JADE1: variants seen among roughly 807,000 people sequenced by gnomAD.
JADE1 encodes protein Jade-1.
Under a neutral mutation model 81.8 loss-of-function variants are expected in JADE1, and 14 were observed. The ratio of observed to expected loss-of-function variants is 0.17; its 90% CI spans 0.11 to 0.27. The LOEUF (loss-of-function observed/expected upper bound fraction) is 0.27, where lower values mean the gene tolerates loss of function less well. Ranked by LOEUF, JADE1 falls within the 10% of genes least tolerant of loss-of-function variation. The probability of loss-of-function intolerance (pLI) is 1.00; values close to 1 mark genes in which losing one functional copy is unlikely to be tolerated. For synonymous variants in JADE1, 353 were observed against 391.9 expected, an observed-to-expected ratio of 0.90 and a Z score of 1.17; for missense variants, 690 against 1,047.9, an observed-to-expected ratio of 0.66 and a Z score of 4.71.
rs569068801 is a variant in JADE1 at position 128,849,185 on chromosome 4, CTATTATTT to C, written c.484+24_484+31del. On this transcript the variant is annotated intron_variant, in intron 5 of 10. Coordinates refer to ENST00000226319, the MANE Select transcript of JADE1 (RefSeq NM_199320.4). ...GGAGATGGGTGAGAGACCATGTATT[CTATTATTT>C]TATTAACCAATGATGAATAGAGACA... 442 of 1,578,096 alleles carry C rather than the reference CTATTATTT, an allele frequency of 2.8e-4. 3 individuals are homozygous for C. In the African/African-American group the frequency reaches 5.2e-3, roughly 19 times the overall value.
chr4:128,867,375 C>G (rs992903974), intron 9 of JADE1, among the ~76,000 whole-genome samples: 17 of 152,164 alleles, frequency 1.1e-4, no homozygotes, highest in Admixed American at 3.3e-4. Flanking sequence ...ACCCTTGGCC[C>G]CATGTTTACC....
intron 1 of JADE1, among the ~76,000 whole-genome samples, chr4:128,827,468 G>T (rs77184125): frequency 0.022 from 3,336 of 152,242 alleles, 102 homozygotes; most frequent in African/African-American, 0.072. Flanking sequence ...AATGAGAACT[G>T]AAAGTAAGCA....
chr4:128,834,384 T>C (rs1423301436), intron 2 of JADE1, among the ~76,000 whole-genome samples: 1 of 152,080 alleles, frequency 6.6e-6, no homozygotes, highest in Non-Finnish European at 1.5e-5. Flanking sequence ...CCCACCCTAA[T>C]AGCCTCATTT....
intron 8 of JADE1, among the ~76,000 whole-genome samples, 192 bp downstream of exon 8, chr4:128,857,646 A>G (rs1276252349): frequency 6.6e-6 from 1 of 152,192 alleles, no homozygotes; most frequent in Non-Finnish European, 1.5e-5. Flanking sequence ...CGGTGTAACT[A>G]GAACCCAAGC....
chr4:128,824,108 G>T (rs1221652961), intron 1 of JADE1, among the ~76,000 whole-genome samples: 5 of 152,086 alleles, frequency 3.3e-5, no homozygotes, highest in African/African-American at 1.2e-4. Flanking sequence ...AAAATAATTT[G>T]AACTATGTGA....
At chr4:128,840,953 C>G (rs1221627941) in intron 2 of JADE1, among the ~76,000 whole-genome samples, 1 of 152,234 alleles carries the variant, frequency 6.6e-6, no homozygotes, top group Non-Finnish European at 1.5e-5. Context: ...AAGGGTAGTG[C>G]CGATGTTGTC....
intron 1 of JADE1, among the ~76,000 whole-genome samples, chr4:128,821,386 G>A (rs1255342612): frequency 6.6e-6 from 1 of 152,152 alleles, no homozygotes; most frequent in Admixed American, 6.5e-5. Context: ...CTTGCCATAG[G>A]TGGAAGGAAT....
At chr4:128,819,288 G>T (rs1475127676) in intron 1 of JADE1, among the ~76,000 whole-genome samples, 1 of 150,416 alleles carries the variant, frequency 6.6e-6, no homozygotes, top group African/African-American at 2.4e-5. Context: ...TTTTTTTTTT[G>T]GGGGGCAGGC....
At chr4:128,848,765 G>A (rs1474922440) in intron 4 of JADE1, among the ~76,000 whole-genome samples, 1 of 152,240 alleles carries the variant, frequency 6.6e-6, no homozygotes, top group Admixed American at 6.5e-5. Context: ...GATTTTGAAG[G>A]CTTCTACAGT....
Position 128,809,891 on chromosome 4 carries a change from CCGCGGGGGG to C in JADE1, c.-27+19_-27+27del, listed in dbSNP as rs1224117511. ...CCTCCGCAGCAGGTACGCGCGCGGG[CCGCGGGGGG>C]CGCGCGGGGTGGGCGCGCCGCGCGT... On this transcript the variant is annotated intron_variant, in intron 1 of 10. Coordinates refer to ENST00000226319, the MANE Select transcript of JADE1 (RefSeq NM_199320.4). 1 of 148,190 alleles carries C rather than the reference CCGCGGGGGG, an allele frequency of 6.7e-6. No homozygotes were observed. The highest frequency in any genetic ancestry group is 1.5e-5 in the Non-Finnish European group (1 of 66,268). The allele number at this position is 148,190 out of a possible 1,614,324, so 9.2% of individuals were successfully genotyped here. A position where few individuals can be genotyped will look rare whatever the true frequency, so the allele number is the denominator to read the frequency against.
intron 9 of JADE1, chr4:128,863,165 G>A (rs562776010): frequency 4.6e-5 from 45 of 985,456 alleles, no homozygotes; most frequent in African/African-American, 1.0e-4. Flanking sequence ...CTGGAGTCCC[G>A]TCTGGACGTC....
At chr4:128,821,072 T>G (rs1307895307) in intron 1 of JADE1, among the ~76,000 whole-genome samples, 3 of 152,202 alleles carry the variant, frequency 2.0e-5, no homozygotes, top group Non-Finnish European at 4.4e-5. Flanking sequence ...GAGTTTGATA[T>G]GAAGTGTGTA....
At chr4:128,823,217 A>G (rs533457083) in intron 1 of JADE1, among the ~76,000 whole-genome samples, 3 of 152,206 alleles carry the variant, frequency 2.0e-5, no homozygotes, top group Non-Finnish European at 4.4e-5. Context: ...CAGCAATTAC[A>G]GAGTCCTGGA....
chr4:128,813,563 C>T (rs994173865), intron 1 of JADE1, among the ~76,000 whole-genome samples: 1 of 151,986 alleles, frequency 6.6e-6, no homozygotes, highest in Non-Finnish European at 1.5e-5. Flanking sequence ...GGACTACAGG[C>T]GCGTGCCACC....
intron 1 of JADE1, among the ~76,000 whole-genome samples, chr4:128,825,057 C>T (rs923242890): frequency 5.3e-5 from 8 of 151,850 alleles, no homozygotes; most frequent in South Asian, 2.1e-4. Flanking sequence ...TTTCTTTTTT[C>T]GAGACAGAGT....
intron 3 of JADE1, among the ~76,000 whole-genome samples, chr4:128,844,737 G>C (rs1474291573): frequency 6.6e-6 from 1 of 152,148 alleles, no homozygotes; most frequent in Non-Finnish European, 1.5e-5. Context: ...CGTGATTTTT[G>C]TGGGAGGTGC....
intron 1 of JADE1, among the ~76,000 whole-genome samples, chr4:128,822,149 C>A (rs1287306260): frequency 6.6e-6 from 1 of 152,164 alleles, no homozygotes; most frequent in Non-Finnish European, 1.5e-5. Flanking sequence ...GTGCTTTGCA[C>A]TGGGGCAAGA....
rs1282525734 is a variant in JADE1 at position 128,809,891 on chromosome 4, C to CCGCGGGGGGCG, written c.-27+22_-27+32dup. On this transcript the variant is annotated intron_variant, in intron 1 of 10. Transcript: ENST00000226319. ...CCTCCGCAGCAGGTACGCGCGCGGG[C>CCGCGGGGGGCG]CGCGGGGGGCGCGCGGGGTGGGCGC... 3.4e-5 allele frequency: 5 copies of CCGCGGGGGGCG among 148,190 alleles called. No homozygotes were observed. The highest frequency in any genetic ancestry group is 7.5e-5 in the Non-Finnish European group (5 of 66,268). 9.2% of individuals were successfully genotyped at this position (148,190 alleles called of 1,614,324 possible).
intron 6 of JADE1, among the ~76,000 whole-genome samples, chr4:128,852,918 T>TC (rs2078007966): frequency 6.6e-6 from 1 of 150,618 alleles, no homozygotes; most frequent in African/African-American, 2.5e-5. Flanking sequence ...ATGGTGGTCT[T>TC]CTTTTTTTTT....
Sources: gnomAD v4.1 joint callset for allele counts (sites outside exome capture counted in the v4.1 genomes callset) on GRCh38, gnomAD v4.1.1 for gene constraint, MANE v1.5 for transcripts, NCBI Gene and HGNC (gene_info 2026-07-23, HGNC 2026-07-21) for gene names.